The following ARK2C variants were observed in gnomAD, a reference collection of about 807,000 sequenced individuals.
ARK2C encodes arkadia (RNF111) C-terminal like ring finger ubiquitin ligase 2C, also known as E3 ubiquitin-protein ligase ARK2C.
chr18:46,428,364 G>C, the ARK2C span, among the ~76,000 whole-genome samples: 3 of 152,156 alleles, frequency 2.0e-5, no homozygotes, highest in Admixed American at 6.5e-5. Flanking sequence ...AGCTGAGATC[G>C]TGCCACTGCA....
At chr18:46,461,919 TG>T in the ARK2C span, 3 of 152,216 alleles carry the variant, frequency 2.0e-5, no homozygotes, top group African/African-American at 7.2e-5. Context: ...GAGATAGGGA[TG>T]GGGTAGGCAG....
the ARK2C span, among the ~76,000 whole-genome samples, chr18:46,443,103 G>T: frequency 1.3e-5 from 2 of 152,154 alleles, no homozygotes; most frequent in South Asian, 2.1e-4. Context: ...GTTAATTGGG[G>T]TGTCTAGACC....
the ARK2C span, chr18:46,435,259 C>T: frequency 1.9e-6 from 3 of 1,596,088 alleles, no homozygotes; most frequent in South Asian, 1.1e-5. Context: ...TAGCCCCTGA[C>T]ACGAGGGCTC....
chr18:46,412,669 T>C, the ARK2C span, among the ~76,000 whole-genome samples: 1 of 152,300 alleles, frequency 6.6e-6, no homozygotes, highest in East Asian at 1.9e-4. Flanking sequence ...CTCCAGAGGA[T>C]GTGGTCAGGC....
At chr18:46,426,487 G>A in the ARK2C span, among the ~76,000 whole-genome samples, 9 of 152,284 alleles carry the variant, frequency 5.9e-5, no homozygotes, top group East Asian at 9.6e-4. Context: ...CCAGGTGGGC[G>A]TCAGGCGAGC....
chr18:46,430,856 T>A, the ARK2C span, among the ~76,000 whole-genome samples: 1 of 152,214 alleles, frequency 6.6e-6, no homozygotes. Flanking sequence ...TTGAAGTTAA[T>A]TTTTTTCTAG....
At chr18:46,402,399 A>G in the ARK2C span, among the ~76,000 whole-genome samples, 1 of 152,266 alleles carries the variant, frequency 6.6e-6, no homozygotes, top group East Asian at 1.9e-4. Flanking sequence ...TTTTAATTTC[A>G]GATAAAATGA....
At chr18:46,377,196 T>G in the ARK2C span, among the ~76,000 whole-genome samples, 4 of 152,368 alleles carry the variant, frequency 2.6e-5, no homozygotes, top group African/African-American at 9.6e-5. Flanking sequence ...GTATATAATG[T>G]ACCCCTTTTA....
At chr18:46,361,801 A>G in the ARK2C span, among the ~76,000 whole-genome samples, 1 of 152,148 alleles carries the variant, frequency 6.6e-6, no homozygotes, top group African/African-American at 2.4e-5. Flanking sequence ...TGTGCTCCTG[A>G]GTGAATGAGA....
chr18:46,429,555 T>C, the ARK2C span, among the ~76,000 whole-genome samples: 10 of 152,250 alleles, frequency 6.6e-5, no homozygotes, highest in Non-Finnish European at 1.3e-4. Context: ...TTATTATTTG[T>C]TTTATTGTTA....
At chr18:46,432,113 A>T in the ARK2C span, among the ~76,000 whole-genome samples, 28 of 152,246 alleles carry the variant, frequency 1.8e-4, 1 homozygote, top group East Asian at 5.0e-3. Context: ...TTTAGCAGCA[A>T]GTTTTCTGTA....
At chr18:46,414,549 A>G in the ARK2C span, among the ~76,000 whole-genome samples, 1 of 152,234 alleles carries the variant, frequency 6.6e-6, no homozygotes, top group South Asian at 2.1e-4. Flanking sequence ...GCACATGAAC[A>G]CGTTCACACA....
the ARK2C span, among the ~76,000 whole-genome samples, chr18:46,376,947 C>T: frequency 1.3e-5 from 2 of 152,212 alleles, no homozygotes; most frequent in Middle Eastern, 3.4e-3. Context: ...GGATTACAGG[C>T]GTAAGCCACA....
At chr18:46,396,943 G>T in the ARK2C span, among the ~76,000 whole-genome samples, 9 of 152,372 alleles carry the variant, frequency 5.9e-5, no homozygotes, top group Admixed American at 5.9e-4. Context: ...AGCCTGGGGG[G>T]TTCCCCTTTC....
chr18:46,349,439 G>A, the ARK2C span, among the ~76,000 whole-genome samples: 3 of 152,094 alleles, frequency 2.0e-5, no homozygotes, highest in East Asian at 1.9e-4. Context: ...ATCACTTCTC[G>A]AAGACCCCAT....
chr18:46,337,965 C>T, the ARK2C span, among the ~76,000 whole-genome samples: 2 of 152,152 alleles, frequency 1.3e-5, no homozygotes, highest in African/African-American at 4.8e-5. Context: ...CCTGTGTACT[C>T]AGTAGCTTCC....
chr18:46,434,857 G>A, the ARK2C span, among the ~76,000 whole-genome samples: 6 of 152,122 alleles, frequency 3.9e-5, 1 homozygote. Flanking sequence ...ATGAAAGCTG[G>A]GAAGAGTGTT....
the ARK2C span, among the ~76,000 whole-genome samples, chr18:46,453,536 T>C: frequency 6.6e-6 from 1 of 151,050 alleles, no homozygotes; most frequent in Non-Finnish European, 1.5e-5. Context: ...AATAAAATAT[T>C]ATAAAAAAAG....
the ARK2C span, among the ~76,000 whole-genome samples, chr18:46,406,094 A>G: frequency 6.6e-6 from 1 of 151,818 alleles, no homozygotes; most frequent in Non-Finnish European, 1.5e-5. Flanking sequence ...CCTTGTGTAC[A>G]CTCATATCCA....
Sources: allele counts gnomAD v4.1 joint callset (sites outside exome capture counted in the v4.1 genomes callset), GRCh38; gene constraint gnomAD v4.1.1; transcripts MANE v1.5; gene names NCBI Gene and HGNC (gene_info 2026-07-23, HGNC 2026-07-21).